PTPRT: variants seen among roughly 807,000 people sequenced by gnomAD.
PTPRT encodes protein tyrosine phosphatase receptor type T.
PTPRT carries 56 observed loss-of-function variants against 176.8 expected under a neutral mutation model. The ratio of observed to expected loss-of-function variants is 0.32; its 90% CI spans 0.26 to 0.40. The LOEUF is 0.40. Among genes scored for constraint, PTPRT ranks in the 10% least tolerant of loss-of-function variants. The pLI is 1.00. For missense variants in PTPRT, 1,540 were observed against 1,908.2 expected (o/e 0.81, Z 3.60); for synonymous variants, 783 against 739.0 (o/e 1.06, Z -0.96).
chr20:42,772,002 G>T (rs1346898171), intron 4 of PTPRT, among the ~76,000 whole-genome samples: 1 of 152,168 alleles, frequency 6.6e-6, no homozygotes, highest in Non-Finnish European at 1.5e-5. Context: ...GAAAAATTGG[G>T]GGGCAGGAGG....
chr20:42,420,015 C>T (rs1287556198), intron 9 of PTPRT, among the ~76,000 whole-genome samples: 12 of 152,092 alleles, frequency 7.9e-5, no homozygotes, highest in African/African-American at 1.7e-4. Context: ...CAACAGCCTT[C>T]GGAGGGGGTG....
chr20:42,703,885 A>C (rs1378113764), intron 6 of PTPRT, among the ~76,000 whole-genome samples: 2 of 152,194 alleles, frequency 1.3e-5, no homozygotes, highest in Non-Finnish European at 2.9e-5. Flanking sequence ...TGGTCCTATC[A>C]GCTAAAACTT....
intron 12 of PTPRT, among the ~76,000 whole-genome samples, chr20:42,313,703 C>T (rs1258394742): frequency 1.3e-5 from 2 of 152,092 alleles, no homozygotes; most frequent in African/African-American, 4.8e-5. Flanking sequence ...TGTGGGATGC[C>T]GAGAACCGAG....
chr20:42,955,433 G>A (rs998233067), intron 1 of PTPRT, among the ~76,000 whole-genome samples: 2 of 152,110 alleles, frequency 1.3e-5, no homozygotes, highest in African/African-American at 4.8e-5. Context: ...AACACATTCT[G>A]GAAAGCACAG....
intron 1 of PTPRT, among the ~76,000 whole-genome samples, chr20:43,128,459 A>C (rs1382655912): frequency 6.6e-6 from 1 of 152,220 alleles, no homozygotes; most frequent in Non-Finnish European, 1.5e-5. Context: ...TGCTCTTGAC[A>C]GTCTTGGAGT....
chr20:43,122,024 T>A (rs527930395), intron 1 of PTPRT, among the ~76,000 whole-genome samples: 19 of 152,308 alleles, frequency 1.2e-4, no homozygotes, highest in African/African-American at 4.6e-4. Flanking sequence ...ATCACCTAGC[T>A]ATTCCTCAGC....
At chr20:42,761,275 A>C (rs948871981) in intron 5 of PTPRT, among the ~76,000 whole-genome samples, 3 of 151,662 alleles carry the variant, frequency 2.0e-5, no homozygotes, top group Non-Finnish European at 4.4e-5. Flanking sequence ...TCTCTACTAA[A>C]AATACAAAAT....
chr20:42,071,576 T>C (rs1212675749), downstream of PTPRT, among the ~76,000 whole-genome samples: 6 of 152,228 alleles, frequency 3.9e-5, no homozygotes, highest in Non-Finnish European at 8.8e-5. Context: ...ACCCATGGAT[T>C]GCACTCTGAG....
intron 7 of PTPRT, among the ~76,000 whole-genome samples, chr20:42,525,466 A>T (rs2145514363): frequency 6.6e-6 from 1 of 152,308 alleles, no homozygotes; most frequent in South Asian, 2.1e-4. Context: ...GCAGTGCTGT[A>T]TATTCACTTA....
intron 1 of PTPRT, among the ~76,000 whole-genome samples, chr20:42,972,034 A>T (rs909113091): frequency 1.3e-5 from 2 of 151,472 alleles, no homozygotes; most frequent in African/African-American, 4.8e-5. Flanking sequence ...AGACAACCTG[A>T]CGTGGTTATA....
In PTPRT at chr20:43,086,771, C is replaced by G. The variant is rs191098276; in HGVS notation, c.88+102875G>C. On this transcript the variant is annotated intron_variant, in intron 1 of 30. Transcript: ENST00000373187. ...TGAATAAAACCTAGCAGGCTTAGAGCTTACTAATCCTACTGTTATAACCGG... is the reference window on the plus strand; with the variant it reads ...TGAATAAAACCTAGCAGGCTTAGAGGTTACTAATCCTACTGTTATAACCGG... Among the ~76,000 whole-genome samples the G allele has an allele frequency of 2.6e-5, 4 of 152,282 alleles. No homozygotes were observed. In the East Asian group the frequency reaches 7.7e-4, roughly 29 times the overall value.
chr20:42,731,583 T>C (rs919683162), intron 6 of PTPRT, among the ~76,000 whole-genome samples: 1 of 152,274 alleles, frequency 6.6e-6, no homozygotes, highest in African/African-American at 2.4e-5. Flanking sequence ...TGTGTGAAGG[T>C]TGTGCGTCCA....
At chr20:42,297,950 G>A (rs941735548) in intron 12 of PTPRT, among the ~76,000 whole-genome samples, 3 of 152,034 alleles carry the variant, frequency 2.0e-5, no homozygotes, top group Non-Finnish European at 4.4e-5. Context: ...TTCCTTTATA[G>A]CCTGAGTGTA....
chr20:42,972,641 G>C (rs1449405338), intron 1 of PTPRT, among the ~76,000 whole-genome samples: 1 of 126,222 alleles, frequency 7.9e-6, no homozygotes, highest in Non-Finnish European at 1.6e-5. Context: ...CTGCACTCCA[G>C]CCTGGGCAAC....
intron 18 of PTPRT, among the ~76,000 whole-genome samples, chr20:42,129,574 C>T (rs1400167306): frequency 3.9e-5 from 6 of 152,238 alleles, no homozygotes; most frequent in South Asian, 2.1e-4. Context: ...TAGACACACA[C>T]AAGTGGAACA....
At chr20:42,072,207 C>T (rs1475143004), downstream of PTPRT, among the ~76,000 whole-genome samples, 3 of 152,288 alleles carry the variant, frequency 2.0e-5, no homozygotes, top group Middle Eastern at 3.4e-3. Flanking sequence ...AAATAAGGCG[C>T]AAGGCTGTAA....
At chr20:42,791,716 A>G (rs2077378872) in intron 2 of PTPRT, among the ~76,000 whole-genome samples, 1 of 152,244 alleles carries the variant, frequency 6.6e-6, no homozygotes. Flanking sequence ...TGTATGAAGT[A>G]TTTCTACAAC....
chr20:42,130,591 C>T (rs1034635899), intron 18 of PTPRT, among the ~76,000 whole-genome samples: 25 of 152,118 alleles, frequency 1.6e-4, no homozygotes, highest in African/African-American at 5.8e-4. Flanking sequence ...AGGAATGGGT[C>T]CTATTATGGA....
At chr20:42,134,088 A>G (rs759276217) in intron 18 of PTPRT, among the ~76,000 whole-genome samples, 31 of 152,212 alleles carry the variant, frequency 2.0e-4, no homozygotes, top group Non-Finnish European at 2.9e-4. Context: ...AAGGAGTGGC[A>G]GTGTCCTCAT....
Sources: gnomAD v4.1 joint callset for allele counts (sites outside exome capture counted in the v4.1 genomes callset) on GRCh38, gnomAD v4.1.1 for gene constraint, MANE v1.5 for transcripts, NCBI Gene and HGNC (gene_info 2026-07-23, HGNC 2026-07-21) for gene names.